PSMB7: variants seen among roughly 807,000 people sequenced by gnomAD.
PSMB7 encodes the protein proteasome subunit beta type-7.
A neutral mutation model predicts 28.1 loss-of-function variants in PSMB7; 5 were observed. The observed-to-expected ratio is 0.18, with a 90% CI of 0.09 to 0.37. The LOEUF (loss-of-function observed/expected upper bound fraction) is 0.37. PSMB7 is among the 10% of genes least tolerant of loss of function. PSMB7 has a pLI of 1.00. For synonymous variants in PSMB7, 122 were observed against 123.7 expected, an observed-to-expected ratio of 0.99 and a Z score of 0.09; for missense variants, 275 against 346.2, an observed-to-expected ratio of 0.79 and a Z score of 1.63.
intron 6 of PSMB7, among the ~76,000 whole-genome samples, chr9:124,365,510 T>C (rs1019508171): frequency 6.6e-6 from 1 of 152,208 alleles, no homozygotes; most frequent in East Asian, 1.9e-4. Flanking sequence ...CCACCCTTTA[T>C]GCTAAGCAGC....
chr9:124,353,822 C>T, intron 7 of PSMB7, 113 bp from the exon 8 acceptor site: 1 of 789,408 alleles, frequency 1.3e-6, no homozygotes, highest in Non-Finnish European at 2.1e-6. Flanking sequence ...GGACTGGAAT[C>T]TTGGCTCTCC....
chr9:124,389,976 C>T (rs1408573478), intron 5 of PSMB7, among the ~76,000 whole-genome samples: 2 of 152,088 alleles, frequency 1.3e-5, no homozygotes, highest in East Asian at 1.9e-4. Context: ...CCTGAAACTC[C>T]GAAAAATACA....
chr9:124,355,222 C>CA (rs1322717055), intron 7 of PSMB7, among the ~76,000 whole-genome samples: 3 of 152,258 alleles, frequency 2.0e-5, no homozygotes, highest in African/African-American at 7.2e-5. Flanking sequence ...ACTGCACACC[C>CA]ACCACACGCC....
chr9:124,365,171 G>A (rs1292187963), intron 6 of PSMB7, among the ~76,000 whole-genome samples: 2 of 152,226 alleles, frequency 1.3e-5, no homozygotes, highest in Non-Finnish European at 2.9e-5. Context: ...CACACGCTGT[G>A]CTGAACAATG....
chr9:124,368,108 A>C (rs1200371883), intron 6 of PSMB7, among the ~76,000 whole-genome samples: 1 of 152,150 alleles, frequency 6.6e-6, no homozygotes, highest in Non-Finnish European at 1.5e-5. Context: ...ATTCTCTTTC[A>C]CCAAAAATTA....
chr9:124,389,942 C>A (rs1830767615), intron 5 of PSMB7, among the ~76,000 whole-genome samples: 1 of 152,178 alleles, frequency 6.6e-6, no homozygotes. Flanking sequence ...ATTACTAGCT[C>A]CTTTAAGAAT....
At chr9:124,394,084 T>G (rs1830818993) in intron 5 of PSMB7, among the ~76,000 whole-genome samples, 1 of 152,220 alleles carries the variant, frequency 6.6e-6, no homozygotes, top group Non-Finnish European at 1.5e-5. Context: ...CTTCCCAAAC[T>G]TCAGGGCATT....
intron 5 of PSMB7, among the ~76,000 whole-genome samples, chr9:124,398,972 A>G (rs1384667448): frequency 1.3e-5 from 2 of 151,992 alleles, no homozygotes; most frequent in Non-Finnish European, 2.9e-5. Context: ...CATTCCCATA[A>G]ATATGCTTTA....
chr9:124,392,908 C>T (rs1282360941), intron 5 of PSMB7, among the ~76,000 whole-genome samples: 1 of 152,172 alleles, frequency 6.6e-6, no homozygotes, highest in South Asian at 2.1e-4. Context: ...ATGTATGCGG[C>T]GATAACAGAG....
intron 6 of PSMB7, among the ~76,000 whole-genome samples, chr9:124,366,729 C>T (rs1830511942): frequency 1.3e-5 from 2 of 152,228 alleles, no homozygotes; most frequent in African/African-American, 4.8e-5. Context: ...ACAGATACAC[C>T]ATTTTTTATC....
At chr9:124,354,893 A>G (rs575880679) in intron 7 of PSMB7, among the ~76,000 whole-genome samples, 173 of 152,300 alleles carry the variant, frequency 1.1e-3, no homozygotes, top group African/African-American at 3.9e-3. Context: ...CACTGTGGTG[A>G]CAGTGCCCGA....
At chr9:124,363,037 C>G (rs184560000) in intron 6 of PSMB7, among the ~76,000 whole-genome samples, 1 of 152,272 alleles carries the variant, frequency 6.6e-6, no homozygotes, top group East Asian at 1.9e-4. Context: ...TTCTGAACAT[C>G]AGGGGTCCGC....
intron 5 of PSMB7, among the ~76,000 whole-genome samples, chr9:124,401,537 G>A (rs1830906957): frequency 6.6e-6 from 1 of 152,158 alleles, no homozygotes; most frequent in South Asian, 2.1e-4. Flanking sequence ...TCTAAGACTC[G>A]GCTCAAGTGA....
intron 6 of PSMB7, among the ~76,000 whole-genome samples, chr9:124,372,526 T>C (rs185255699): frequency 2.4e-4 from 36 of 152,346 alleles, no homozygotes; most frequent in African/African-American, 6.3e-4. Flanking sequence ...GAAGGATCCA[T>C]TCCAAGCTTA....
intron 5 of PSMB7, among the ~76,000 whole-genome samples, chr9:124,399,009 CAAAAAAA>C (rs34386702): frequency 3.9e-5 from 5 of 129,302 alleles, no homozygotes; most frequent in African/African-American, 8.7e-5. Context: ...AAGCTTTAAC[CAAAAAAA>C]AAAAAAAAAA....
rs749255446 is a variant in PSMB7, at chr9:124,353,620, A to G, written c.812T>C (p.Val271Ala). The G allele has an allele frequency of 8.1e-6, 13 of 1,613,238 alleles. No individual in the cohort carries two copies. The East Asian group carries it at 2.9e-4, about 36-fold the overall frequency. ...CATTCAGGAAGTGTCCATTGTTTGG[A>G]CTGTTTCTTCCAGCACCTCAATCTC... Reference protein sequence around the residue: ...PLEIEVLEETVQTMDTS With the variant: ...PLEIEVLEETAQTMDTS The change falls in exon 8 of 8, where the codon GTC (valine) becomes GCC (alanine). Residue 271 changes from valine to alanine, a missense_variant. Physicochemically the swap from Val to Ala is moderately conservative, Grantham distance 64. Around this residue, in one of 2 missense-constraint regions of PSMB7, gnomAD observed 213 missense variants for 302.4 expected, o/e 0.70. Transcript: ENST00000259457.
At chr9:124,357,811 G>C (rs890940116) in intron 6 of PSMB7, among the ~76,000 whole-genome samples, 1 of 152,196 alleles carries the variant, frequency 6.6e-6, no homozygotes, top group African/African-American at 2.4e-5. Context: ...CCTGACCCAA[G>C]TAAGTACAAT....
At chr9:124,394,607 A>G (rs1388405645) in intron 5 of PSMB7, among the ~76,000 whole-genome samples, 2 of 152,238 alleles carry the variant, frequency 1.3e-5, no homozygotes, top group Non-Finnish European at 2.9e-5. Flanking sequence ...GCACCCATAC[A>G]TTAATTCAAT....
At chr9:124,395,018 A>G (rs1400389030) in intron 5 of PSMB7, among the ~76,000 whole-genome samples, 1 of 152,266 alleles carries the variant, frequency 6.6e-6, no homozygotes, top group African/African-American at 2.4e-5. Flanking sequence ...AGCTACACAC[A>G]GAAAAATGTA....
Sources: allele counts gnomAD v4.1 joint callset (sites outside exome capture counted in the v4.1 genomes callset), GRCh38; gene constraint gnomAD v4.1.1; regional missense constraint gnomAD v4.1.1; transcripts MANE v1.5; gene names NCBI Gene and HGNC (gene_info 2026-07-23, HGNC 2026-07-21).